GTF3C4: variants seen among roughly 807,000 people sequenced by gnomAD.
GTF3C4 encodes general transcription factor IIIC subunit 4, also known as general transcription factor 3C polypeptide 4.
In GTF3C4, 28 loss-of-function variants were observed where a neutral mutation model predicts 67.5. The ratio of observed to expected loss-of-function variants is 0.41; its 90% CI spans 0.31 to 0.57. The LOEUF (loss-of-function observed/expected upper bound fraction) is 0.57, where lower values mean the gene tolerates loss of function less well. Ranked by LOEUF, GTF3C4 falls within the 20% of genes least tolerant of loss-of-function variation. The pLI is 0.21. For missense variants in GTF3C4, 831 were observed against 1,033.2 expected, an observed-to-expected ratio of 0.80 and a Z score of 2.68; for synonymous variants, 409 against 393.0, an observed-to-expected ratio of 1.04 and a Z score of -0.48.
intron 3 of GTF3C4, among the ~76,000 whole-genome samples, chr9:132,686,612 C>T (rs184910280): frequency 4.6e-5 from 7 of 152,310 alleles, no homozygotes; most frequent in Non-Finnish European, 8.8e-5. Context: ...GAGAATAATC[C>T]TTGGATGGAA....
chr9:132,670,246 C>G (rs1564350787), upstream of GTF3C4: 1 of 1,525,614 alleles, frequency 6.6e-7, no homozygotes. Context: ...AGATCCGGCG[C>G]CATCTCACCG....
chr9:132,673,216 C>T (rs1329934335), intron 1 of GTF3C4, among the ~76,000 whole-genome samples: 2 of 152,002 alleles, frequency 1.3e-5, no homozygotes, highest in East Asian at 3.9e-4. Context: ...TGCAGTTATA[C>T]AGGTATGAAG....
rs1433836914 is a variant in GTF3C4, at chr9:132,691,211, G to A, written c.*2266G>A. ...CCATGGAGGTTAAGCTACAGAGCTG[G>A]GGAAACAGGAGATTTTGAGTTAATG... On this transcript the variant is annotated 3_prime_UTR_variant, in exon 5 of 5. Transcript: ENST00000372146. 6.6e-6 allele frequency: 1 copy of A among 152,212 alleles called. No homozygotes were observed. The highest frequency in any genetic ancestry group is 2.4e-5 in the African/African-American group (1 of 41,434). The allele number at this position is 152,212 out of a possible 1,614,324, so 9.4% of individuals were successfully genotyped here.
Position 132,689,766 on chromosome 9 carries a change from A to T in GTF3C4, c.*821A>T, listed in dbSNP as rs1836086454. 1 of 152,144 alleles carries T rather than the reference A, an allele frequency of 6.6e-6. No individual in the cohort carries two copies. Among genetic ancestry groups the T allele is most frequent in the African/African-American group, 2.4e-5 (1 of 41,426 alleles). 9.4% of individuals were successfully genotyped at this position (152,144 alleles called of 1,614,324 possible). On this transcript the variant is annotated 3_prime_UTR_variant, in exon 5 of 5. Coordinates refer to ENST00000372146, the MANE Select transcript of GTF3C4 (RefSeq NM_012204.4). The stretch of plus-strand genomic sequence containing the variant: ...CTATTTGTACACAGAGGAAAAAAAG[A>T]TATTTTCCTCTTTTAGTAATAAGAC...
In GTF3C4 at chr9:132,679,651, G is replaced by A; in HGVS notation, c.2032G>A (p.Ala678Thr). 6.2e-7 allele frequency: 1 copy of A among 1,614,166 alleles called. No homozygotes were observed. Among genetic ancestry groups the A allele is most frequent in the Admixed American group, 1.7e-5 (1 of 60,024 alleles). ...KLLEIQGKIEAVEMHLTREHM... is the reference protein window; with the variant it reads ...KLLEIQGKIETVEMHLTREHM... ...CCTGGAAATCCAAGGGAAAATCGAA[G>A]CTGTGGAGATGCACTTGACCAGGGA... The change falls in exon 2 of 5, where the codon GCT (alanine) becomes ACT (threonine). Residue 678 changes from alanine (A) to threonine (T), a missense_variant. By Grantham distance (58) the Ala-to-Thr change is moderately conservative. This residue lies in a region of GTF3C4 where 129 missense variants were observed against 213.8 expected (regional missense o/e 0.60). Transcript: ENST00000372146. This position sits in a 1 kb window ranked among gnomAD's most constrained non-coding sequence, Gnocchi z 5.9.
In GTF3C4 at chr9:132,689,113, C is replaced by T; in HGVS notation, c.*168C>T. 1 of 608,222 alleles carries T rather than the reference C, an allele frequency of 1.6e-6. No individual in the cohort carries two copies. The highest frequency in any genetic ancestry group is 2.9e-6 in the Non-Finnish European group (1 of 339,844). The allele number at this position is 608,222 out of a possible 1,614,324, so 37.7% of individuals were successfully genotyped here. On this transcript the variant is annotated 3_prime_UTR_variant, in exon 5 of 5. Coordinates refer to ENST00000372146, the MANE Select transcript of GTF3C4 (RefSeq NM_012204.4). ...GAGCTCATTTCTGAATCGCACTCTCCATTTCCAGAGACTAAAGGATGTCCT... is the reference window on the plus strand; with the variant it reads ...GAGCTCATTTCTGAATCGCACTCTCTATTTCCAGAGACTAAAGGATGTCCT...
In GTF3C4 at chr9:132,680,081, C is replaced by T. The variant is rs1324903418; in HGVS notation, c.2184+278C>T. ...CCAGACTGGATTAGCTCAGAGGCTG[C>T]ATTTAGCTGAGTAGTATGTGATGGG... is the stretch of plus-strand genomic sequence containing the variant. On this transcript the variant is annotated intron_variant, in intron 2 of 4. Transcript: ENST00000372146. Among the ~76,000 whole-genome samples the T allele has an allele frequency of 2.6e-5, 4 of 152,172 alleles. No individual in the cohort carries two copies. The South Asian group carries it at 8.3e-4, about 32-fold the overall frequency.
rs73659430 is a variant in GTF3C4, at chr9:132,672,362, T to C, written c.357+1407T>C. ...AGGGAGTAGTAAGGGGAGAGACTTA[T>C]GGGGCAGGTCATCTGGTGGTGAATC... On this transcript the variant is annotated intron_variant, in intron 1 of 4. Transcript: ENST00000372146. 2.2e-3 allele frequency among the ~76,000 whole-genome samples: 331 copies of C among 152,254 alleles called. 1 individual carries two copies. Among genetic ancestry groups the C allele is most frequent in the African/African-American group, 7.4e-3 (308 of 41,536 alleles).
rs1836161564 is a variant in GTF3C4 at position 132,694,137 on chromosome 9, A to G, written c.*5192A>G. The G allele has an allele frequency of 6.6e-6, 1 of 152,210 alleles. No homozygotes were observed. 9.4% of individuals were successfully genotyped at this position (152,210 alleles called of 1,614,324 possible). On this transcript the variant is annotated 3_prime_UTR_variant, in exon 5 of 5. Transcript: ENST00000372146. ...GTTGAAAAAAAAAAGTTTGATAACA[A>G]TGCATTTTGCTTGGAATACCCCCCA...
chr9:132,684,065 C>G lies in GTF3C4; in HGVS notation c.2315+372C>G, dbSNP rs559026098. Among the ~76,000 whole-genome samples, 31 of 152,320 alleles carry G rather than the reference C, an allele frequency of 2.0e-4. No individual in the cohort carries two copies. The East Asian group carries it at 5.8e-3, about 28-fold the overall frequency. On this transcript the variant is annotated intron_variant, in intron 3 of 4. Transcript: ENST00000372146. ...TCCCTCCTTGAAGCACTTTCATCAC[C>G]TGCCTTCCGGGACACAGCACTCCCT...
rs147686337 is a variant in GTF3C4 at position 132,673,820 on chromosome 9, C to T, written c.357+2865C>T. Among the ~76,000 whole-genome samples, 744 of 152,252 alleles carry T rather than the reference C, an allele frequency of 4.9e-3. 6 individuals are homozygous for T. The highest frequency in any genetic ancestry group is 0.017 in the African/African-American group (707 of 41,534). On this transcript the variant is annotated intron_variant, in intron 1 of 4. Transcript: ENST00000372146. ...TAATAGTTCAGACATTAATTATCAG[C>T]TGTTTTATAAGATTGTATGATATAA...
At chr9:132,672,821 T>G (rs892054314) in intron 1 of GTF3C4, among the ~76,000 whole-genome samples, 1 of 152,160 alleles carries the variant, frequency 6.6e-6, no homozygotes, top group Non-Finnish European at 1.5e-5. Flanking sequence ...TGTTTAGGTT[T>G]TTTGGAAGAT....
intron 4 of GTF3C4, among the ~76,000 whole-genome samples, chr9:132,687,741 A>AAC (rs1022110807): frequency 6.6e-6 from 1 of 152,230 alleles, no homozygotes; most frequent in Non-Finnish European, 1.5e-5. Context: ...TCATTCTTCC[A>AAC]GTAGCCATGA....
intron 4 of GTF3C4, among the ~76,000 whole-genome samples, chr9:132,687,913 T>C (rs1836055838): frequency 6.6e-6 from 1 of 152,246 alleles, no homozygotes; most frequent in African/African-American, 2.4e-5. Flanking sequence ...TAATGCACTC[T>C]AACCAAGTGA....
Position 132,688,926 on chromosome 9 carries a change from G to C in GTF3C4, c.2450G>C (p.Cys817Ser). Residue 817 changes from cysteine (C) to serine (S), a missense_variant, in exon 5 of 5, where the codon TGT becomes TCT. Coordinates refer to ENST00000372146, the MANE Select transcript of GTF3C4 (RefSeq NM_012204.4). ...KRLLQSPCPFCDSPVF is the reference protein window; with the variant it reads ...KRLLQSPCPFSDSPVF ...TTACTGCAAAGCCCCTGCCCTTTCTGTGATTCTCCTGTCTTCTAAATAATC... is the reference window on the plus strand; with the variant it reads ...TTACTGCAAAGCCCCTGCCCTTTCTCTGATTCTCCTGTCTTCTAAATAATC... 1.2e-6 allele frequency: 2 copies of C among 1,612,096 alleles called. No individual in the cohort carries two copies. The highest frequency in any genetic ancestry group is 1.7e-6 in the Non-Finnish European group (2 of 1,178,198).
chr9:132,677,834 C>T (rs909923203), intron 1 of GTF3C4, 143 bp from the exon 2 acceptor site: 2 of 677,042 alleles, frequency 3.0e-6, no homozygotes, highest in Non-Finnish European at 4.9e-6. Flanking sequence ...TCTTAAGAAT[C>T]AAGTACATCT....
At position 132,689,757 on chromosome 9, in the gene GTF3C4, G is replaced by GAA. The variant is rs1236758065; in HGVS notation, c.*818_*819dup. The GAA allele has an allele frequency of 6.6e-6, 1 of 151,914 alleles. No individual in the cohort carries two copies. Among genetic ancestry groups the GAA allele is most frequent in the South Asian group, 2.1e-4 (1 of 4,816 alleles). The allele number at this position is 151,914 out of a possible 1,614,324, so 9.4% of individuals were successfully genotyped here. ...CTAGATGAGCTATTTGTACACAGAG[G>GAA]AAAAAAAGATATTTTCCTCTTTTAG... On this transcript the variant is annotated 3_prime_UTR_variant, in exon 5 of 5. Transcript: ENST00000372146.
In GTF3C4 at chr9:132,678,491, A is replaced by G; in HGVS notation, c.872A>G (p.Gln291Arg). ...GGTAATATCGCCGTGTGGCAGTTTC[A>G]GCTGCCGTTTGTAGGAAAAGAATCC... ...ENGNIAVWQF[Q>R]LPFVGKESIS... Residue 291 changes from glutamine (Q) to arginine (R), a missense_variant, in exon 2 of 5, where the codon CAG becomes CGG. Gln to Arg is a conservative substitution (Grantham distance 43, BLOSUM62 1). Coordinates refer to ENST00000372146, the MANE Select transcript of GTF3C4 (RefSeq NM_012204.4). This position sits in a 1 kb window ranked among gnomAD's most constrained non-coding sequence, Gnocchi z 6.5. The G allele has an allele frequency of 1.2e-6, 2 of 1,614,196 alleles. No individual in the cohort carries two copies. Among genetic ancestry groups the G allele is most frequent in the Non-Finnish European group, 8.5e-7 (1 of 1,180,032 alleles).
At chr9:132,684,138 T>TG (rs1485399588) in intron 3 of GTF3C4, among the ~76,000 whole-genome samples, 1 of 152,214 alleles carries the variant, frequency 6.6e-6, no homozygotes, top group African/African-American at 2.4e-5. Flanking sequence ...TCTTTGCTGA[T>TG]GGGCACCTCA....
Sources: gnomAD v4.1 joint callset for allele counts (sites outside exome capture counted in the v4.1 genomes callset) on GRCh38, gnomAD v4.1.1 for gene constraint, gnomAD v4.1.1 regional missense constraint, Gnocchi (gnomAD v3.1) non-coding constraint, MANE v1.5 for transcripts, NCBI Gene and HGNC (gene_info 2026-07-23, HGNC 2026-07-21) for gene names.